DACH1: variants seen among roughly 807,000 people sequenced by gnomAD.
DACH1 encodes dachshund family transcription factor 1, also known as dachshund homolog 1.
Under a neutral mutation model 54.2 loss-of-function variants are expected in DACH1, and 12 were observed. That is an observed-to-expected ratio of 0.22 (90% CI 0.14 to 0.36). The LOEUF (loss-of-function observed/expected upper bound fraction) is 0.36. Ranked by LOEUF, DACH1 falls within the 10% of genes least tolerant of loss-of-function variation. DACH1 has a pLI of 1.00. For missense variants in DACH1, 805 were observed against 929.8 expected, an observed-to-expected ratio of 0.87 and a Z score of 1.75; for synonymous variants, 386 against 366.2, an observed-to-expected ratio of 1.05 and a Z score of -0.62.
At chr13:71,638,891 G>A (rs977100482) in intron 2 of DACH1, among the ~76,000 whole-genome samples, 2 of 152,040 alleles carry the variant, frequency 1.3e-5, no homozygotes, top group Admixed American at 6.6e-5. Flanking sequence ...AATTAATCTT[G>A]TCCAACAATT....
chr13:71,751,478 CCT>C (rs1276393788), intron 1 of DACH1, among the ~76,000 whole-genome samples: 2 of 152,018 alleles, frequency 1.3e-5, no homozygotes, highest in Non-Finnish European at 2.9e-5. Flanking sequence ...AAAATTCTGC[CCT>C]GTCTAATAAT....
At chr13:71,583,490 T>C (rs1021170334) in intron 3 of DACH1, among the ~76,000 whole-genome samples, 2 of 152,150 alleles carry the variant, frequency 1.3e-5, no homozygotes, top group African/African-American at 4.8e-5. Flanking sequence ...GAAATAATAG[T>C]AATAAAGCTA....
intron 1 of DACH1, among the ~76,000 whole-genome samples, chr13:71,757,455 G>A (rs1419108137): frequency 6.6e-6 from 1 of 151,126 alleles, no homozygotes; most frequent in African/African-American, 2.4e-5. Context: ...CCTAATCACA[G>A]AAATGGGTGT....
intron 2 of DACH1, among the ~76,000 whole-genome samples, chr13:71,670,964 T>C (rs982657800): frequency 2.6e-5 from 4 of 152,102 alleles, no homozygotes; most frequent in Non-Finnish European, 1.5e-5. Context: ...ATTTTGGCGA[T>C]TGGCTTCTCT....
chr13:71,625,902 A>T (rs1433983483), intron 3 of DACH1, among the ~76,000 whole-genome samples: 1 of 151,976 alleles, frequency 6.6e-6, no homozygotes, highest in Non-Finnish European at 1.5e-5. Flanking sequence ...TTGAGATTAC[A>T]TTTTGAATAG....
chr13:71,766,310 C>T (rs1482480338), intron 1 of DACH1, among the ~76,000 whole-genome samples: 1 of 152,184 alleles, frequency 6.6e-6, no homozygotes. Flanking sequence ...TCTATAATCA[C>T]TTGTGGAGAT....
At chr13:71,837,239 T>C (rs1376441694) in intron 1 of DACH1, among the ~76,000 whole-genome samples, 3 of 152,158 alleles carry the variant, frequency 2.0e-5, no homozygotes, top group Non-Finnish European at 2.9e-5. Flanking sequence ...GTTTTACACG[T>C]ATGATAATAT....
chr13:71,496,063 T>C (rs915025517), intron 6 of DACH1, among the ~76,000 whole-genome samples: 5 of 151,500 alleles, frequency 3.3e-5, no homozygotes, highest in East Asian at 2.0e-4. Flanking sequence ...AGAAGCCCCA[T>C]CTCTACTAAA....
chr13:71,656,368 C>T (rs919266544), intron 2 of DACH1, among the ~76,000 whole-genome samples: 4 of 152,002 alleles, frequency 2.6e-5, no homozygotes, highest in Non-Finnish European at 4.4e-5. Context: ...AATCATTGGC[C>T]TAACATTTTT....
At chr13:71,546,545 C>G (rs1446334816) in intron 6 of DACH1, among the ~76,000 whole-genome samples, 1 of 151,874 alleles carries the variant, frequency 6.6e-6, no homozygotes, top group Non-Finnish European at 1.5e-5. Context: ...AATTTAGAAA[C>G]ATATTGAGCA....
At chr13:71,631,788 G>C (rs1877120110) in intron 2 of DACH1, among the ~76,000 whole-genome samples, 1 of 152,050 alleles carries the variant, frequency 6.6e-6, no homozygotes, top group Non-Finnish European at 1.5e-5. Flanking sequence ...AGGGGGTAGA[G>C]GCAGACATTA....
chr13:71,649,991 T>C (rs1878559377), intron 2 of DACH1, among the ~76,000 whole-genome samples: 1 of 152,142 alleles, frequency 6.6e-6, no homozygotes, highest in Non-Finnish European at 1.5e-5. Context: ...TCCTCGTCTT[T>C]CCCCTGGAAG....
intron 6 of DACH1, among the ~76,000 whole-genome samples, chr13:71,545,664 T>G (rs1353918196): frequency 5.9e-5 from 9 of 152,010 alleles, no homozygotes; most frequent in Non-Finnish European, 1.0e-4. Context: ...CTGAAAGTAT[T>G]TTTTATTGAA....
At chr13:71,776,818 A>G (rs371679567) in intron 1 of DACH1, among the ~76,000 whole-genome samples, 3 of 151,966 alleles carry the variant, frequency 2.0e-5, no homozygotes, top group Admixed American at 6.6e-5. Flanking sequence ...TTTGTCACTC[A>G]CTGGTAATTT....
At chr13:71,450,141 T>G (rs1874894547) in intron 10 of DACH1, among the ~76,000 whole-genome samples, 1 of 151,656 alleles carries the variant, frequency 6.6e-6, no homozygotes, top group African/African-American at 2.4e-5. Flanking sequence ...CCTTTTATTT[T>G]GCTTCATTTT....
At chr13:71,721,564 C>T (rs1169830972) in intron 1 of DACH1, among the ~76,000 whole-genome samples, 1 of 152,088 alleles carries the variant, frequency 6.6e-6, no homozygotes, top group African/African-American at 2.4e-5. Context: ...AATTAACAGT[C>T]TACGTTTCAT....
chr13:71,459,551 C>G (rs571960745), intron 10 of DACH1, among the ~76,000 whole-genome samples: 10 of 151,792 alleles, frequency 6.6e-5, no homozygotes, highest in Admixed American at 3.3e-4. Context: ...TTAGCTAAAC[C>G]ATATGAAAGC....
intron 10 of DACH1, among the ~76,000 whole-genome samples, chr13:71,441,758 T>C (rs1466414009): frequency 1.3e-5 from 2 of 152,092 alleles, no homozygotes; most frequent in East Asian, 3.8e-4. Flanking sequence ...ATACAATCTA[T>C]AGTGGATATA....
intron 1 of DACH1, among the ~76,000 whole-genome samples, chr13:71,733,985 G>T (rs1387737653): frequency 2.0e-5 from 3 of 151,876 alleles, no homozygotes; most frequent in African/African-American, 7.3e-5. Flanking sequence ...GGGATCGGAG[G>T]TTGCACTGAG....
Sources: allele counts gnomAD v4.1 joint callset (sites outside exome capture counted in the v4.1 genomes callset), GRCh38; gene constraint gnomAD v4.1.1; transcripts MANE v1.5; gene names NCBI Gene and HGNC (gene_info 2026-07-23, HGNC 2026-07-21).